The following TLK1 variants were observed in gnomAD, a reference collection of about 807,000 sequenced individuals.
The protein encoded by TLK1 is serine/threonine-protein kinase tousled-like 1.
A neutral mutation model predicts 105.3 loss-of-function variants in TLK1; 24 were observed. The observed-to-expected ratio is 0.23, with a 90% CI of 0.17 to 0.32. The LOEUF is 0.32. Ranked by LOEUF, TLK1 falls within the 10% of genes least tolerant of loss-of-function variation. TLK1 has a pLI of 1.00. For missense variants in TLK1, 558 were observed against 910.5 expected (o/e 0.61, Z 4.98); for synonymous variants, 321 against 310.4 (o/e 1.03, Z -0.36).
At chr2:171,050,196 C>A (rs1158533682) in intron 8 of TLK1, 22 bp from the exon 9 acceptor site, 12 of 1,549,296 alleles carry the variant, frequency 7.7e-6, no homozygotes, top group Non-Finnish European at 1.1e-5. Flanking sequence ...GTAGAAAATG[C>A]AAGAGGTCTA....
chr2:171,157,487 G>A (rs886490840), intron 1 of TLK1, among the ~76,000 whole-genome samples: 1 of 152,162 alleles, frequency 6.6e-6, no homozygotes, highest in South Asian at 2.1e-4. Flanking sequence ...ACTGACAAGC[G>A]AAAAGCTTTG....
chr2:171,200,881 CTTTT>C (rs34320208), intron 1 of TLK1, among the ~76,000 whole-genome samples: 13 of 129,660 alleles, frequency 1.0e-4, no homozygotes, highest in Admixed American at 2.3e-4. Flanking sequence ...CAGATCCCTT[CTTTT>C]TTTTTTTTTT....
intron 1 of TLK1, among the ~76,000 whole-genome samples, chr2:171,198,187 GA>G (rs900349624): frequency 2.6e-5 from 4 of 151,808 alleles, no homozygotes; most frequent in East Asian, 1.9e-4. Context: ...CAAGAACAGA[GA>G]AAAAAAATGA....
chr2:171,095,619 C>T (rs541153332), intron 2 of TLK1, among the ~76,000 whole-genome samples: 2 of 152,086 alleles, frequency 1.3e-5, no homozygotes, highest in Non-Finnish European at 2.9e-5. Flanking sequence ...ACCACATTAA[C>T]AGGATCATCA....
intron 1 of TLK1, among the ~76,000 whole-genome samples, chr2:171,221,807 T>C (rs1291283450): frequency 6.6e-6 from 1 of 152,246 alleles, no homozygotes; most frequent in Non-Finnish European, 1.5e-5. Flanking sequence ...CTGGGGTCTC[T>C]GTCTCTTTTT....
intron 2 of TLK1, among the ~76,000 whole-genome samples, chr2:171,117,493 T>C (rs1690484765): frequency 6.6e-6 from 1 of 152,140 alleles, no homozygotes; most frequent in African/African-American, 2.4e-5. Flanking sequence ...AGAAACTACA[T>C]AGTGGGAGAC....
In TLK1 at chr2:171,053,746, T is replaced by C. The variant is rs73027271; in HGVS notation, c.732+15A>G. On this transcript the variant is annotated intron_variant, in intron 8 of 20. Transcript: ENST00000431350. ...ATTTATTCAATTTTTTTCCCCTCTA[T>C]GACTCATTACTTACCCTGAGCAAAT... 139,211 of 1,567,846 alleles carry C rather than the reference T, an allele frequency of 0.089. 7,605 individuals carry two copies. The highest frequency in any genetic ancestry group is 0.25 in the African/African-American group (18,026 of 72,538).
intron 1 of TLK1, among the ~76,000 whole-genome samples, chr2:171,210,665 G>A (rs570420478): frequency 3.9e-5 from 6 of 152,224 alleles, no homozygotes; most frequent in East Asian, 1.9e-4. Flanking sequence ...TAATGTTCAC[G>A]GACACTTCGG....
chr2:171,103,800 T>C (rs1415203275), intron 2 of TLK1, among the ~76,000 whole-genome samples: 1 of 152,232 alleles, frequency 6.6e-6, no homozygotes, highest in Non-Finnish European at 1.5e-5. Context: ...TTCCTCCTTC[T>C]ACATTCTATT....
At position 171,006,143 on chromosome 2, in the gene TLK1, T is replaced by G. The variant is rs1433325482; in HGVS notation, c.1904+4A>C. The G allele has an allele frequency of 2.5e-6, 4 of 1,578,258 alleles. No homozygotes were observed. Among genetic ancestry groups the G allele is most frequent in the Non-Finnish European group, 3.4e-6 (4 of 1,166,480 alleles). On this transcript the variant is annotated splice_donor_region_variant and intron_variant, in intron 18 of 20. Coordinates refer to ENST00000431350, the MANE Select transcript of TLK1 (RefSeq NM_012290.5). ...CATTCTGATGTTTTTAGTAATACAC[T>G]TACCAGTAAGTGCCTGCCCCCTGGG...
At chr2:171,118,660 T>C (rs1690532292) in intron 1 of TLK1, among the ~76,000 whole-genome samples, 1 of 152,160 alleles carries the variant, frequency 6.6e-6, no homozygotes, top group Non-Finnish European at 1.5e-5. Context: ...AAAAATTACT[T>C]TATCTATGTC....
At position 171,206,733 on chromosome 2, in the gene TLK1, C is replaced by T. The variant is rs76288362; in HGVS notation, c.-6+24412G>A. On this transcript the variant is annotated intron_variant, in intron 1 of 20. Coordinates refer to the TLK1 transcript ENST00000521943. ...AAAGTCCCCTTGACGTGAGGAAAAC[C>T]TAACTATAAAAAGGGACCTATCTCA... is the stretch of plus-strand genomic sequence containing the variant. Among the ~76,000 whole-genome samples the T allele has an allele frequency of 4.6e-3, 707 of 152,238 alleles. 6 individuals are homozygous for T. The highest frequency in any genetic ancestry group is 0.015 in the African/African-American group (640 of 41,530).
chr2:171,224,860 G>A (rs190618741), intron 1 of TLK1, among the ~76,000 whole-genome samples: 49 of 152,206 alleles, frequency 3.2e-4, no homozygotes, highest in Non-Finnish European at 5.4e-4. Context: ...AGACATATGT[G>A]TATATCAATG....
intron 8 of TLK1, among the ~76,000 whole-genome samples, chr2:171,050,535 T>C (rs1192025362): frequency 6.7e-6 from 1 of 148,482 alleles, no homozygotes; most frequent in African/African-American, 2.4e-5. Context: ...GTATATAAAG[T>C]GTCTATCACT....
intron 5 of TLK1, 113 bp downstream of exon 5, chr2:171,058,038 G>C: frequency 9.7e-7 from 1 of 1,026,698 alleles, no homozygotes; most frequent in Non-Finnish European, 1.5e-6. Context: ...ATAAAGCTCT[G>C]CTCTAATCAA....
intron 3 of TLK1, among the ~76,000 whole-genome samples, chr2:171,062,426 A>G (rs1687797648): frequency 6.6e-6 from 1 of 152,232 alleles, no homozygotes. Flanking sequence ...CTTATTGAAC[A>G]CATATTGTTC....
intron 3 of TLK1, among the ~76,000 whole-genome samples, chr2:171,079,073 G>C (rs1435459744): frequency 6.6e-6 from 1 of 152,182 alleles, no homozygotes; most frequent in Non-Finnish European, 1.5e-5. Flanking sequence ...TGAAGCAGCT[G>C]GGTATTTTTT....
intron 1 of TLK1, among the ~76,000 whole-genome samples, chr2:171,140,413 G>A (rs1691525656): frequency 6.6e-6 from 1 of 151,226 alleles, no homozygotes; most frequent in East Asian, 1.9e-4. Flanking sequence ...TGGTATACCA[G>A]GTTTCTTCTC....
Position 170,993,587 on chromosome 2 carries a change from T to G in TLK1, c.*193A>C. 2.2e-6 allele frequency: 1 copy of G among 444,794 alleles called. No individual in the cohort carries two copies. The highest frequency in any genetic ancestry group is 3.8e-6 in the Non-Finnish European group (1 of 263,950). The allele number at this position is 444,794 out of a possible 1,614,324, so 27.6% of individuals were successfully genotyped here. A position where few individuals can be genotyped will look rare whatever the true frequency, so the allele number is the denominator to read the frequency against. On this transcript the variant is annotated 3_prime_UTR_variant, in exon 21 of 21. Transcript: ENST00000431350. ...AATTATAGTCAGAAGTGTGCATTTA[T>G]TCATTGTCCATGATCCTCTCTCATA...
Sources: allele counts gnomAD v4.1 joint callset (sites outside exome capture counted in the v4.1 genomes callset), GRCh38; gene constraint gnomAD v4.1.1; transcripts MANE v1.5; gene names NCBI Gene and HGNC (gene_info 2026-07-23, HGNC 2026-07-21).